The following COL19A1 variants were observed in gnomAD, a reference collection of about 807,000 sequenced individuals.
The protein encoded by COL19A1 is collagen type XIX alpha 1 chain.
Under a neutral mutation model 190.2 loss-of-function variants are expected in COL19A1, and 159 were observed. That is an observed-to-expected ratio of 0.84 (90% CI 0.73 to 0.95). COL19A1 has a LOEUF of 0.95. Among genes scored for constraint, COL19A1 ranks in the 40% least tolerant of loss-of-function variants. COL19A1 has a pLI of 0.00. For missense variants in COL19A1, 1,418 were observed against 1,431.9 expected (o/e 0.99, Z 0.16); for synonymous variants, 509 against 458.9 (o/e 1.11, Z -1.39).
chr6:70,204,190 A>G (rs1371188786), intron 49 of COL19A1, among the ~76,000 whole-genome samples: 1 of 152,192 alleles, frequency 6.6e-6, no homozygotes, highest in Non-Finnish European at 1.5e-5. Flanking sequence ...ATATGGAAAT[A>G]CATGTCTCTT....
intron 40 of COL19A1, among the ~76,000 whole-genome samples, chr6:70,171,335 G>A (rs995521011): frequency 9.9e-5 from 15 of 152,086 alleles, no homozygotes; most frequent in African/African-American, 2.9e-4. Flanking sequence ...GTTTCTTGAG[G>A]ATCTACAGGC....
chr6:70,104,232 A>G (rs1783814242), intron 16 of COL19A1, among the ~76,000 whole-genome samples: 1 of 152,184 alleles, frequency 6.6e-6, no homozygotes, highest in African/African-American at 2.4e-5. Flanking sequence ...TGCTATGAAG[A>G]ACTACCTGAG....
chr6:69,871,809 ATTTT>A (rs556851857), intron 1 of COL19A1, among the ~76,000 whole-genome samples: 1,559 of 110,366 alleles, frequency 0.014, 4 homozygotes, highest in African/African-American at 0.023. Context: ...CAAGTCCACC[ATTTT>A]TTTTTTTTTT....
intron 2 of COL19A1, among the ~76,000 whole-genome samples, chr6:69,892,925 C>T (rs532195978): frequency 2.0e-5 from 3 of 152,196 alleles, no homozygotes; most frequent in African/African-American, 4.8e-5. Context: ...CTGATGCAAA[C>T]GGCTATATTA....
intron 16 of COL19A1, among the ~76,000 whole-genome samples, chr6:70,116,633 G>A (rs573133698): frequency 2.9e-4 from 43 of 150,378 alleles, no homozygotes; most frequent in Non-Finnish European, 5.3e-4. Flanking sequence ...TCTGAATTTA[G>A]GCTTCCTAAT....
chr6:70,106,188 A>G (rs1009662603), intron 16 of COL19A1, among the ~76,000 whole-genome samples: 1 of 152,184 alleles, frequency 6.6e-6, no homozygotes, highest in East Asian at 1.9e-4. Context: ...AAGCAATTCA[A>G]ATAAAGTGTT....
chr6:69,976,665 G>T (rs1775731678), intron 11 of COL19A1, among the ~76,000 whole-genome samples: 1 of 152,158 alleles, frequency 6.6e-6, no homozygotes, highest in Non-Finnish European at 1.5e-5. Context: ...ACAGTTCATT[G>T]TAAGGTTTAG....
rs1786203516 is a variant in COL19A1, at chr6:70,140,873, C to T, written c.1447-81C>T. 15 of 1,320,922 alleles carry T rather than the reference C, an allele frequency of 1.1e-5. 1 individual carries two copies. The South Asian group carries it at 1.6e-4, about 14-fold the overall frequency. The allele number at this position is 1,320,922 out of a possible 1,614,324, so 81.8% of individuals were successfully genotyped here. ...GTTTGCAATGGGAATCTGAGTTTGG[C>T]CTATAGGGTTTATCCACACCCCGGT... is the stretch of plus-strand genomic sequence containing the variant. On this transcript the variant is annotated intron_variant, in intron 19 of 50. Transcript: ENST00000620364.
At chr6:69,992,389 A>C (rs1273433960) in intron 11 of COL19A1, among the ~76,000 whole-genome samples, 1 of 152,046 alleles carries the variant, frequency 6.6e-6, no homozygotes, top group African/African-American at 2.4e-5. Flanking sequence ...TTCCATATGA[A>C]TTTTAGAATG....
intron 9 of COL19A1, among the ~76,000 whole-genome samples, chr6:69,947,783 C>T (rs1257048263): frequency 1.3e-5 from 2 of 151,770 alleles, no homozygotes; most frequent in Admixed American, 1.3e-4. Context: ...TATCTGATGG[C>T]TTCATTGATG....
chr6:69,918,045 C>T (rs1481947237), intron 4 of COL19A1, among the ~76,000 whole-genome samples: 1 of 152,106 alleles, frequency 6.6e-6, no homozygotes, highest in Non-Finnish European at 1.5e-5. Context: ...AGGAACAAAA[C>T]TCAAGTCATT....
chr6:70,137,669 T>C lies in COL19A1; in HGVS notation c.1384-16T>C, dbSNP rs759329213. The C allele has an allele frequency of 1.9e-6, 3 of 1,612,782 alleles. No individual in the cohort carries two copies. The highest frequency in any genetic ancestry group is 2.7e-5 in the African/African-American group (2 of 74,882). The stretch of plus-strand genomic sequence containing the variant: ...CTAACCATCTGCAAAATCTCTCTTC[T>C]GCTTTGTCTTGAAAGGGTGAAACTG... On this transcript the variant is annotated splice_polypyrimidine_tract_variant and intron_variant, in intron 18 of 50. Coordinates refer to ENST00000620364, the MANE Select transcript of COL19A1 (RefSeq NM_001858.6).
intron 11 of COL19A1, among the ~76,000 whole-genome samples, chr6:69,976,744 T>G (rs559106543): frequency 3.3e-5 from 5 of 152,196 alleles, no homozygotes; most frequent in Non-Finnish European, 7.4e-5. Flanking sequence ...AGAAAACCAG[T>G]GACCACCAGA....
chr6:70,019,019 C>T (rs1778272105), intron 11 of COL19A1, among the ~76,000 whole-genome samples: 1 of 152,080 alleles, frequency 6.6e-6, no homozygotes, highest in Admixed American at 6.6e-5. Context: ...GAAATATTGA[C>T]AGCATCCAAA....
intron 11 of COL19A1, among the ~76,000 whole-genome samples, chr6:69,978,273 A>C (rs1775838996): frequency 6.6e-6 from 1 of 152,154 alleles, no homozygotes; most frequent in Non-Finnish European, 1.5e-5. Context: ...AGAAAGAGAG[A>C]GAAAGAGAGA....
At chr6:70,131,120 T>A in intron 18 of COL19A1, 1 of 401,142 alleles carries the variant, frequency 2.5e-6, no homozygotes, top group Middle Eastern at 3.6e-4. Context: ...TCACTCCTGT[T>A]TGATTCTGAA....
intron 11 of COL19A1, among the ~76,000 whole-genome samples, chr6:69,985,207 T>C (rs1776248406): frequency 6.6e-6 from 1 of 152,196 alleles, no homozygotes; most frequent in African/African-American, 2.4e-5. Flanking sequence ...TTTTGTTGTG[T>C]GGGATGGTTT....
chr6:70,099,447 C>T (rs1443882951), intron 15 of COL19A1, among the ~76,000 whole-genome samples: 1 of 151,876 alleles, frequency 6.6e-6, no homozygotes, highest in Non-Finnish European at 1.5e-5. Flanking sequence ...TACTTTCAGA[C>T]TATGTGGATA....
intron 2 of COL19A1, among the ~76,000 whole-genome samples, chr6:69,889,418 C>T (rs557359128): frequency 6.6e-6 from 1 of 152,354 alleles, no homozygotes; most frequent in Non-Finnish European, 1.5e-5. Flanking sequence ...GTGATCTCAT[C>T]TCTCCTGTGG....
Sources: gnomAD v4.1 joint callset for allele counts (sites outside exome capture counted in the v4.1 genomes callset) on GRCh38, gnomAD v4.1.1 for gene constraint, MANE v1.5 for transcripts, NCBI Gene and HGNC (gene_info 2026-07-23, HGNC 2026-07-21) for gene names.